The following LINGO2 variants were observed in gnomAD, a reference collection of about 807,000 sequenced individuals.
LINGO2 encodes the protein leucine-rich repeat and immunoglobulin-like domain-containing nogo receptor-interacting protein 2.
A neutral mutation model predicts 30.6 loss-of-function variants in LINGO2; 14 were observed. The ratio of observed to expected loss-of-function variants is 0.46; its 90% CI spans 0.30 to 0.72. The LOEUF is 0.72. Ranked by LOEUF, LINGO2 falls within the 30% of genes least tolerant of loss-of-function variation. The pLI, the probability that LINGO2 is intolerant of heterozygous loss-of-function variation, is 0.07. For synonymous variants in LINGO2, 317 were observed against 288.5 expected (o/e 1.10, Z -1.00); for missense variants, 729 against 751.7 (o/e 0.97, Z 0.35).
intron 1 of LINGO2, among the ~76,000 whole-genome samples, chr9:28,577,543 G>A (rs1187573928): frequency 6.6e-6 from 1 of 152,080 alleles, no homozygotes; most frequent in Non-Finnish European, 1.5e-5. Flanking sequence ...AGGCTAATTT[G>A]AATAATAAAC....
chr9:29,042,771 A>G, the LINGO2 span, among the ~76,000 whole-genome samples: 1 of 151,984 alleles, frequency 6.6e-6, no homozygotes, highest in African/African-American at 2.4e-5. Flanking sequence ...TTTTTCTAAT[A>G]CACACAATTT....
At chr9:28,750,571 A>G in the LINGO2 span, among the ~76,000 whole-genome samples, 2 of 151,924 alleles carry the variant, frequency 1.3e-5, no homozygotes, top group African/African-American at 2.4e-5. Context: ...CATTTTTCCT[A>G]TTGTGTAATT....
chr9:28,022,361 G>A (rs914373156), intron 4 of LINGO2, among the ~76,000 whole-genome samples: 1 of 151,934 alleles, frequency 6.6e-6, no homozygotes, highest in Non-Finnish European at 1.5e-5. Flanking sequence ...ATTAAGATTA[G>A]AAGTAAGAAA....
At chr9:28,098,087 T>C (rs1049058473) in intron 4 of LINGO2, among the ~76,000 whole-genome samples, 1 of 152,124 alleles carries the variant, frequency 6.6e-6, no homozygotes, top group African/African-American at 2.4e-5. Context: ...AGTGCATCAC[T>C]TGAGGTCAGG....
At chr9:28,206,876 A>G (rs1044865623) in intron 4 of LINGO2, among the ~76,000 whole-genome samples, 4 of 152,082 alleles carry the variant, frequency 2.6e-5, no homozygotes, top group Non-Finnish European at 4.4e-5. Flanking sequence ...TATCATACAA[A>G]CCCTACTATT....
At chr9:29,139,691 G>A in the LINGO2 span, among the ~76,000 whole-genome samples, 1 of 152,084 alleles carries the variant, frequency 6.6e-6, no homozygotes, top group Non-Finnish European at 1.5e-5. Flanking sequence ...AATTAGTGGT[G>A]CTTATTAGTC....
At chr9:28,486,175 C>T (rs1056012692) in intron 1 of LINGO2, among the ~76,000 whole-genome samples, 5 of 152,138 alleles carry the variant, frequency 3.3e-5, no homozygotes, top group African/African-American at 4.8e-5. Context: ...GTCCAGACTA[C>T]TGAGTGTTGT....
the LINGO2 span, among the ~76,000 whole-genome samples, chr9:28,753,938 AT>A: frequency 1.3e-5 from 2 of 151,778 alleles, no homozygotes; most frequent in African/African-American, 2.4e-5. Context: ...CATTACAATA[AT>A]TTCTAACTTT....
chr9:28,087,856 T>C (rs765226878), intron 4 of LINGO2, among the ~76,000 whole-genome samples: 5 of 152,056 alleles, frequency 3.3e-5, no homozygotes, highest in Non-Finnish European at 7.4e-5. Flanking sequence ...TAGTCTTCAA[T>C]AGCCACAATT....
At chr9:28,041,915 A>G (rs947152076) in intron 4 of LINGO2, among the ~76,000 whole-genome samples, 4 of 152,210 alleles carry the variant, frequency 2.6e-5, no homozygotes, top group Admixed American at 6.5e-5. Flanking sequence ...CAGTGAGTCA[A>G]TGAGGTGCAG....
intron 5 of LINGO2, among the ~76,000 whole-genome samples, chr9:27,971,816 C>T (rs896570661): frequency 9.2e-5 from 14 of 152,092 alleles, no homozygotes; most frequent in African/African-American, 2.9e-4. Flanking sequence ...AAAAGAAACA[C>T]GGGATGTGTA....
intron 2 of LINGO2, among the ~76,000 whole-genome samples, chr9:28,470,972 T>C (rs1356462817): frequency 1.3e-5 from 2 of 148,640 alleles, no homozygotes; most frequent in Non-Finnish European, 3.0e-5. Flanking sequence ...ATATATGTTA[T>C]ATATAATTTT....
At chr9:28,631,674 G>A (rs1372061503) in intron 1 of LINGO2, among the ~76,000 whole-genome samples, 1 of 152,006 alleles carries the variant, frequency 6.6e-6, no homozygotes, top group African/African-American at 2.4e-5. Flanking sequence ...GAGTCCTTAG[G>A]TACAGATGGC....
intron 5 of LINGO2, among the ~76,000 whole-genome samples, chr9:27,962,082 C>A (rs1348010207): frequency 6.6e-6 from 1 of 152,112 alleles, no homozygotes; most frequent in Non-Finnish European, 1.5e-5. Context: ...TTTAGAATTT[C>A]TTTGGTAGGG....
the LINGO2 span, among the ~76,000 whole-genome samples, chr9:29,036,407 AG>A: frequency 2.6e-5 from 4 of 152,094 alleles, no homozygotes; most frequent in South Asian, 8.3e-4. Context: ...AGAAACCAGA[AG>A]AAAAAAAATA....
the LINGO2 span, among the ~76,000 whole-genome samples, chr9:28,979,798 T>A: frequency 6.6e-6 from 1 of 152,160 alleles, no homozygotes; most frequent in East Asian, 1.9e-4. Flanking sequence ...ATAAATGTAA[T>A]AGTCCCATTC....
At chr9:28,354,230 T>C (rs543483436) in intron 3 of LINGO2, among the ~76,000 whole-genome samples, 1 of 152,350 alleles carries the variant, frequency 6.6e-6, no homozygotes, top group South Asian at 2.1e-4. Context: ...ATTTTGGCTT[T>C]TAAGGTGATA....
chr9:28,506,515 T>TAGATATATAG (rs1554729664), intron 1 of LINGO2, among the ~76,000 whole-genome samples: 4,546 of 100,436 alleles, frequency 0.045, 605 homozygotes, highest in African/African-American at 0.051. Context: ...CATATATATA[T>TAGATATATAG]ATATATAAAC....
At chr9:28,287,376 T>C (rs1312633341) in intron 4 of LINGO2, among the ~76,000 whole-genome samples, 1 of 152,254 alleles carries the variant, frequency 6.6e-6, no homozygotes, top group Non-Finnish European at 1.5e-5. Flanking sequence ...AAAGCTGAAC[T>C]GACGTTCACT....
Sources: gnomAD v4.1 joint callset for allele counts (sites outside exome capture counted in the v4.1 genomes callset) on GRCh38, gnomAD v4.1.1 for gene constraint, MANE v1.5 for transcripts, NCBI Gene and HGNC (gene_info 2026-07-23, HGNC 2026-07-21) for gene names.